Variants in CFAP58 observed in about 807,000 individuals in gnomAD.
The protein encoded by CFAP58 is cilia- and flagella-associated protein 58.
Under a neutral mutation model 119.5 loss-of-function variants are expected in CFAP58, and 88 were observed. The observed-to-expected ratio is 0.74, with a 90% CI of 0.62 to 0.88. CFAP58 has a LOEUF of 0.88. Among genes scored for constraint, CFAP58 ranks in the 40% least tolerant of loss-of-function variants. The probability of loss-of-function intolerance (pLI) is 0.00; values close to 1 mark genes in which losing one functional copy is unlikely to be tolerated. For missense variants in CFAP58, 990 were observed against 1,021.2 expected, an observed-to-expected ratio of 0.97 and a Z score of 0.42; for synonymous variants, 365 against 366.3, an observed-to-expected ratio of 1.00 and a Z score of 0.04.
At position 104,357,836 on chromosome 10, in the gene CFAP58, T is replaced by C. The variant is rs187562835; in HGVS notation, c.10-505T>C. Among the ~76,000 whole-genome samples, 99 of 74,176 alleles carry C rather than the reference T, an allele frequency of 1.3e-3. 2 individuals carry two copies. Among genetic ancestry groups the C allele is most frequent in the African/African-American group, 4.6e-3 (73 of 15,920 alleles). The allele number at this position is 74,176 out of a possible 152,430, so 48.7% of individuals were successfully genotyped here. On this transcript the variant is annotated intron_variant, in intron 1 of 17. Coordinates refer to ENST00000369704, the MANE Select transcript of CFAP58 (RefSeq NM_001008723.2). ...ATATGTACATATATACACATATATG[T>C]ACACATATGTACACATATATACACA...
chr10:104,361,368 A>G (rs2135249377), intron 2 of CFAP58, among the ~76,000 whole-genome samples: 1 of 152,296 alleles, frequency 6.6e-6, no homozygotes, highest in Middle Eastern at 3.4e-3. Flanking sequence ...TGTTGGGTAC[A>G]ATTAGGTAAC....
At position 104,357,907 on chromosome 10, in the gene CFAP58, A is replaced by ATATG. The variant is rs1564875875; in HGVS notation, c.10-432_10-431insTGTA. On this transcript the variant is annotated intron_variant, in intron 1 of 17. Coordinates refer to ENST00000369704, the MANE Select transcript of CFAP58 (RefSeq NM_001008723.2). ...CATATATAAACATATATGTACACAT[A>ATATG]TACACACATATATGTACACATATAC... Among the ~76,000 whole-genome samples, 7 of 118,528 alleles carry ATATG rather than the reference A, an allele frequency of 5.9e-5. No homozygotes were observed. The East Asian group carries it at 1.1e-3, about 18-fold the overall frequency. The allele number at this position is 118,528 out of a possible 152,430, so 77.8% of individuals were successfully genotyped here.
intron 1 of CFAP58, among the ~76,000 whole-genome samples, chr10:104,357,497 G>A (rs896242888): frequency 2.0e-4 from 30 of 152,044 alleles, no homozygotes; most frequent in African/African-American, 5.3e-4. Flanking sequence ...GCCACCCCCC[G>A]CTGCCCTTTG....
the CFAP58 span, among the ~76,000 whole-genome samples, chr10:104,342,054 A>C: frequency 1.3e-5 from 2 of 152,230 alleles, no homozygotes; most frequent in Non-Finnish European, 2.9e-5. Context: ...GGCTTAAACA[A>C]ATAAGGATTT....
intron 15 of CFAP58, among the ~76,000 whole-genome samples, chr10:104,423,482 A>G (rs2012693153): frequency 6.6e-6 from 1 of 152,102 alleles, no homozygotes; most frequent in Non-Finnish European, 1.5e-5. Context: ...GAGATGCAGA[A>G]TAATATGTTT....
In CFAP58 at chr10:104,364,756, A is replaced by G; in HGVS notation, c.464A>G (p.Lys155Arg). ...AGCATCCGAGATTTACTGAGGTTCA[A>G]AGAAGAAGTGACAAAGGAGAGAGAC... ...HSNIRDLLRFKEEVTKERDQL... is the reference protein window; with the variant it reads ...HSNIRDLLRFREEVTKERDQL... The change falls in exon 4 of 18, where the codon AAA becomes AGA. Residue 155 changes from lysine to arginine, a missense_variant. Lys to Arg is a conservative substitution (Grantham distance 26). Coordinates refer to ENST00000369704, the MANE Select transcript of CFAP58 (RefSeq NM_001008723.2). 5 of 1,613,320 alleles carry G rather than the reference A, an allele frequency of 3.1e-6. No homozygotes were observed. The highest frequency in any genetic ancestry group is 1.7e-4 in the Middle Eastern group (1 of 6,056).
At chr10:104,345,243 T>C in the CFAP58 span, among the ~76,000 whole-genome samples, 1 of 152,092 alleles carries the variant, frequency 6.6e-6, no homozygotes, top group Non-Finnish European at 1.5e-5. Context: ...AGTAGTCAAC[T>C]TTTTTTGAGT....
At chr10:104,428,260 G>A (rs190430757) in intron 15 of CFAP58, among the ~76,000 whole-genome samples, 2 of 152,192 alleles carry the variant, frequency 1.3e-5, no homozygotes, top group South Asian at 4.2e-4. Context: ...CAGGGAAGTC[G>A]CTCACCGGTG....
chr10:104,348,004 C>T, the CFAP58 span, among the ~76,000 whole-genome samples: 1 of 151,616 alleles, frequency 6.6e-6, no homozygotes, highest in African/African-American at 2.4e-5. Context: ...CAATGATTGA[C>T]TTGCTCTTGG....
intron 11 of CFAP58, among the ~76,000 whole-genome samples, chr10:104,395,440 A>T (rs1207649155): frequency 4.6e-5 from 7 of 152,186 alleles, no homozygotes; most frequent in Non-Finnish European, 1.0e-4. Flanking sequence ...TTGAACTGGG[A>T]TGCCCTTTCT....
At chr10:104,453,521 G>A (rs923315977) in intron 17 of CFAP58, among the ~76,000 whole-genome samples, 2 of 152,102 alleles carry the variant, frequency 1.3e-5, no homozygotes, top group Non-Finnish European at 2.9e-5. Context: ...CACTTCCCCT[G>A]TCTACCCTAC....
intron 14 of CFAP58, among the ~76,000 whole-genome samples, chr10:104,405,146 C>T (rs2012337813): frequency 6.6e-6 from 1 of 152,194 alleles, no homozygotes; most frequent in Non-Finnish European, 1.5e-5. Context: ...TGAATTTTAA[C>T]AGCGTCCAAC....
chr10:104,448,331 A>T (rs551500282), intron 16 of CFAP58, among the ~76,000 whole-genome samples: 1 of 152,372 alleles, frequency 6.6e-6, no homozygotes, highest in Non-Finnish European at 1.5e-5. Context: ...GGGAAATAAA[A>T]TCAGGCAAGA....
Position 104,454,413 on chromosome 10 carries a change from C to G in CFAP58, c.2511-9C>G. The G allele has an allele frequency of 1.5e-5, 24 of 1,606,888 alleles. No individual in the cohort carries two copies. Among genetic ancestry groups the G allele is most frequent in the Non-Finnish European group, 2.0e-5 (23 of 1,173,602 alleles). ...TTAAGGAAGCTAACTTTCACCTCCTCTCTTACAGAAACAAGGACACAGCAC... is the reference window on the plus strand; with the variant it reads ...TTAAGGAAGCTAACTTTCACCTCCTGTCTTACAGAAACAAGGACACAGCAC... On this transcript the variant is annotated splice_polypyrimidine_tract_variant and intron_variant, in intron 17 of 17. Coordinates refer to ENST00000369704, the MANE Select transcript of CFAP58 (RefSeq NM_001008723.2).
the CFAP58 span, among the ~76,000 whole-genome samples, chr10:104,343,230 G>A: frequency 2.6e-5 from 4 of 152,168 alleles, no homozygotes; most frequent in East Asian, 1.9e-4. Flanking sequence ...TGAACAAGAC[G>A]AATGATTTGC....
chr10:104,395,076 G>A (rs1453697876), intron 11 of CFAP58, among the ~76,000 whole-genome samples: 2 of 152,130 alleles, frequency 1.3e-5, no homozygotes, highest in African/African-American at 4.8e-5. Context: ...CTCCATAATG[G>A]GGTCCAAGTT....
At chr10:104,395,054 G>T (rs1268261965) in intron 11 of CFAP58, among the ~76,000 whole-genome samples, 2 of 152,312 alleles carry the variant, frequency 1.3e-5, no homozygotes, top group South Asian at 2.1e-4. Flanking sequence ...CTATTCAAAA[G>T]ATTAATTATT....
At chr10:104,382,446 T>A in intron 9 of CFAP58, 1 of 460,242 alleles carries the variant, frequency 2.2e-6, no homozygotes, top group Non-Finnish European at 3.9e-6. Context: ...GAGCTAACTC[T>A]CAAAAATTCC....
At chr10:104,437,934 A>G (rs910646034) in intron 15 of CFAP58, among the ~76,000 whole-genome samples, 1 of 152,208 alleles carries the variant, frequency 6.6e-6, no homozygotes, top group African/African-American at 2.4e-5. Context: ...ATATCTTTCT[A>G]TATCCAGAAT....
Sources: gnomAD v4.1 joint callset for allele counts (sites outside exome capture counted in the v4.1 genomes callset) on GRCh38, gnomAD v4.1.1 for gene constraint, MANE v1.5 for transcripts, NCBI Gene and HGNC (gene_info 2026-07-23, HGNC 2026-07-21) for gene names.